Variants in FARP1 observed in about 807,000 individuals in gnomAD.
FARP1 encodes the protein FERM, ARH/RhoGEF and pleckstrin domain protein 1, also known as FERM, ARHGEF and pleckstrin domain-containing protein 1.
In FARP1, 52 loss-of-function variants were observed where a neutral mutation model predicts 128.8. The observed-to-expected ratio is 0.40, with a 90% CI of 0.32 to 0.51. FARP1 has a LOEUF of 0.51. Among genes scored for constraint, FARP1 ranks in the 20% least tolerant of loss-of-function variants. FARP1 has a pLI of 0.45. For synonymous variants in FARP1, 580 were observed against 551.8 expected (o/e 1.05, Z -0.72); for missense variants, 1,333 against 1,367.9 (o/e 0.97, Z 0.40).
chr13:98,219,581 G>A (rs1189454825), intron 2 of FARP1, among the ~76,000 whole-genome samples: 1 of 152,042 alleles, frequency 6.6e-6, no homozygotes, highest in East Asian at 1.9e-4. Context: ...CAGTCCTCCC[G>A]TTTGGCCTCC....
intron 2 of FARP1, among the ~76,000 whole-genome samples, chr13:98,243,598 T>A (rs538894860): frequency 5.4e-5 from 8 of 148,402 alleles, no homozygotes; most frequent in African/African-American, 2.0e-4. Context: ...CTTGGGAGGC[T>A]GAGACAGAGA....
chr13:98,146,417 G>A (rs548300631), intron 1 of FARP1, among the ~76,000 whole-genome samples: 1 of 152,142 alleles, frequency 6.6e-6, no homozygotes, highest in Non-Finnish European at 1.5e-5. Flanking sequence ...TAGTAGAGAC[G>A]GGGTTTCTCC....
At chr13:98,171,457 C>T (rs1877647869) in intron 1 of FARP1, among the ~76,000 whole-genome samples, 1 of 152,152 alleles carries the variant, frequency 6.6e-6, no homozygotes, top group Non-Finnish European at 1.5e-5. Context: ...TCATCACAGA[C>T]CTCTCTCTTG....
intron 1 of FARP1, among the ~76,000 whole-genome samples, chr13:98,172,525 C>T (rs903169452): frequency 1.1e-4 from 17 of 152,206 alleles, no homozygotes; most frequent in South Asian, 2.1e-4. Flanking sequence ...GGCTATGAAA[C>T]GAACAGTTCC....
intron 2 of FARP1, 44 bp from the exon 3 acceptor site, chr13:98,343,718 T>G (rs1380706009): frequency 1.5e-6 from 2 of 1,363,252 alleles, no homozygotes; most frequent in Non-Finnish European, 2.1e-6. Context: ...TTTGTTTTCA[T>G]CCGTGCCTGC....
intron 1 of FARP1, among the ~76,000 whole-genome samples, chr13:98,201,330 A>C (rs1879928883): frequency 6.6e-6 from 1 of 152,230 alleles, no homozygotes; most frequent in African/African-American, 2.4e-5. Context: ...CAGCCCAGCT[A>C]TTCAGGAGGC....
chr13:98,307,063 C>T (rs1886197599), intron 2 of FARP1, among the ~76,000 whole-genome samples: 1 of 152,186 alleles, frequency 6.6e-6, no homozygotes, highest in South Asian at 2.1e-4. Flanking sequence ...TTGTGGAGGG[C>T]TCAATGTACA....
At position 98,243,696 on chromosome 13, in the gene FARP1, C is replaced by CAAAA. The variant is rs61020922; in HGVS notation, c.171+30302_171+30305dup. ...TGGGCGACAGAGAGAGACTCCATCT[C>CAAAA]AAAAAAAAAAAAAAAAAAAAAATCT... On this transcript the variant is annotated intron_variant, in intron 2 of 26. Coordinates refer to ENST00000319562, the MANE Select transcript of FARP1 (RefSeq NM_005766.4). Among the ~76,000 whole-genome samples the CAAAA allele has an allele frequency of 5.1e-3, 330 of 64,878 alleles. 7 individuals are homozygous for CAAAA. The highest frequency in any genetic ancestry group is 0.016 in the African/African-American group (307 of 18,654). 42.6% of individuals were successfully genotyped at this position (64,878 alleles called of 152,430 possible).
intron 19 of FARP1, among the ~76,000 whole-genome samples, chr13:98,438,207 C>T (rs1204668870): frequency 8.5e-5 from 13 of 152,214 alleles, no homozygotes; most frequent in African/African-American, 1.4e-4. Flanking sequence ...GCCTTGGACA[C>T]ATCTGCCTCT....
At chr13:98,190,889 A>C (rs1879186258) in intron 1 of FARP1, among the ~76,000 whole-genome samples, 1 of 151,962 alleles carries the variant, frequency 6.6e-6, no homozygotes, top group African/African-American at 2.4e-5. Flanking sequence ...TCATTCCATG[A>C]TTTTCTTTTT....
In FARP1 at chr13:98,450,663, C is replaced by G. The variant is rs1399746205; in HGVS notation, c.*2346C>G. On this transcript the variant is annotated 3_prime_UTR_variant, in exon 27 of 27. Transcript: ENST00000319562. The stretch of plus-strand genomic sequence containing the variant: ...CTGGGCAGCTGAGCCAGGAGCAGCT[C>G]AGGGCTGGCACTGAGAGGCTACTGG... The G allele has an allele frequency of 6.6e-6, 1 of 152,236 alleles. No individual in the cohort carries two copies. The highest frequency in any genetic ancestry group is 1.5e-5 in the Non-Finnish European group (1 of 68,064). The allele number at this position is 152,236 out of a possible 1,614,324, so 9.4% of individuals were successfully genotyped here.
In FARP1 at chr13:98,378,805, T is replaced by A. The variant is rs538599654; in HGVS notation, c.496+887T>A. On this transcript the variant is annotated intron_variant, in intron 6 of 26. Transcript: ENST00000319562. ...TGAATATGAGCACTTATTAGATAGA[T>A]GTTTTCTTACCAATTTGAAAAAAAT... 6.7e-5 allele frequency among the ~76,000 whole-genome samples: 10 copies of A among 148,790 alleles called. No individual in the cohort carries two copies. In the East Asian group the frequency reaches 1.8e-3, roughly 26 times the overall value.
chr13:98,328,372 T>A (rs1352197973), intron 2 of FARP1: 4 of 152,218 alleles, frequency 2.6e-5, no homozygotes, highest in Admixed American at 1.3e-4. Context: ...TTCTGTGGGT[T>A]GAGAGCCTTA....
At chr13:98,313,277 T>G in intron 2 of FARP1, among the ~76,000 whole-genome samples, 1 of 85,454 alleles carries the variant, frequency 1.2e-5, no homozygotes, top group African/African-American at 3.7e-5. Context: ...ACACACACTC[T>G]GGAATCGGGT....
Position 98,409,434 on chromosome 13 carries a change from C to T in FARP1, c.1511C>T (p.Pro504Leu). The change falls in exon 14 of 27, where the codon CCC (proline) becomes CTC (leucine). Residue 504 changes from proline to leucine, a missense_variant. This residue lies in a region of FARP1 where 1,009 missense variants were observed against 969.8 expected (regional missense o/e 1.04). Coordinates refer to ENST00000319562, the MANE Select transcript of FARP1 (RefSeq NM_005766.4). ...GTGACCTTGTCTCCCAACCTGAGCC[C>T]CGACACCAAGCAGGCCTCTCCCTTG... Reference protein sequence around the residue: ...ANVTLSPNLSPDTKQASPLIS... With the variant: ...ANVTLSPNLSLDTKQASPLIS... 2 of 1,614,098 alleles carry T rather than the reference C, an allele frequency of 1.2e-6. No individual in the cohort carries two copies. Among genetic ancestry groups the T allele is most frequent in the South Asian group, 1.1e-5 (1 of 91,068 alleles).
chr13:98,394,026 GACTC>G (rs1447056177), intron 12 of FARP1, among the ~76,000 whole-genome samples: 1 of 152,224 alleles, frequency 6.6e-6, no homozygotes, highest in Non-Finnish European at 1.5e-5. Context: ...AGCTGAGACT[GACTC>G]TCCAGCTAAA....
intron 2 of FARP1, among the ~76,000 whole-genome samples, chr13:98,228,702 C>CT (rs537485561): frequency 1.3e-5 from 2 of 151,702 alleles, no homozygotes; most frequent in Admixed American, 6.6e-5. Flanking sequence ...GTTAATGGAA[C>CT]TTTTTTTTTC....
In FARP1 at chr13:98,305,576, C is replaced by T. The variant is rs113711902; in HGVS notation, c.172-38186C>T. Among the ~76,000 whole-genome samples, 235 of 152,292 alleles carry T rather than the reference C, an allele frequency of 1.5e-3. 1 individual carries two copies. The highest frequency in any genetic ancestry group is 5.3e-3 in the African/African-American group (220 of 41,560). On this transcript the variant is annotated intron_variant, in intron 2 of 26. Coordinates refer to ENST00000319562, the MANE Select transcript of FARP1 (RefSeq NM_005766.4). ...GTTGAACTCCTGACTTCTGGTAATC[C>T]GCCCATCTCGGCCTCCCAAAGTGTT...
intron 1 of FARP1, among the ~76,000 whole-genome samples, chr13:98,178,226 C>T (rs1352483768): frequency 7.2e-5 from 10 of 139,128 alleles, no homozygotes; most frequent in South Asian, 2.2e-4. Flanking sequence ...GAAAGAGTCT[C>T]GCTCTGTCGC....
Sources: allele counts gnomAD v4.1 joint callset (sites outside exome capture counted in the v4.1 genomes callset), GRCh38; gene constraint gnomAD v4.1.1; regional missense constraint gnomAD v4.1.1; transcripts MANE v1.5; gene names NCBI Gene and HGNC (gene_info 2026-07-23, HGNC 2026-07-21).